The following SIPA1L3 variants were observed in gnomAD, a reference collection of about 807,000 sequenced individuals.
SIPA1L3 encodes the protein signal-induced proliferation-associated 1-like protein 3.
SIPA1L3 carries 59 observed loss-of-function variants against 150.1 expected under a neutral mutation model. The ratio of observed to expected loss-of-function variants is 0.39; its 90% CI spans 0.32 to 0.49. The LOEUF (loss-of-function observed/expected upper bound fraction) is 0.49, where lower values mean the gene tolerates loss of function less well. Ranked by LOEUF, SIPA1L3 falls within the 20% of genes least tolerant of loss-of-function variation. The probability of loss-of-function intolerance (pLI) is 0.86; values close to 1 mark genes in which losing one functional copy is unlikely to be tolerated. For synonymous variants in SIPA1L3, 1,070 were observed against 1,077.6 expected, an observed-to-expected ratio of 0.99 and a Z score of 0.14; for missense variants, 2,211 against 2,489.5, an observed-to-expected ratio of 0.89 and a Z score of 2.38.
rs1452266016 is a variant in SIPA1L3, at chr19:38,082,967, C to A, written c.1402C>A (p.Arg468Ser). The change falls in exon 3 of 22, where the codon CGC (arginine) becomes AGC (serine). Residue 468 changes from arginine to serine, a missense_variant. This residue lies in a region of SIPA1L3 where 587 missense variants were observed against 534.5 expected (regional missense o/e 1.10). Coordinates refer to ENST00000222345, the MANE Select transcript of SIPA1L3 (RefSeq NM_015073.3). ...HLAEPALSAY[R>S]TNASISVLEV... ...GGCAGAGCCCGCCCTGAGCGCCTAC[C>A]GCACCAACGCCAGCATCTCGGTGTT... 1 of 1,612,962 alleles carries A rather than the reference C, an allele frequency of 6.2e-7. No homozygotes were observed. Among genetic ancestry groups the A allele is most frequent in the African/African-American group, 1.3e-5 (1 of 74,942 alleles).
intron 18 of SIPA1L3, among the ~76,000 whole-genome samples, chr19:38,194,762 C>T (rs1431303227): frequency 2.6e-5 from 4 of 152,058 alleles, no homozygotes; most frequent in African/African-American, 9.7e-5. Context: ...ATTAAAACTC[C>T]CCTGCAGGCC....
chr19:38,115,310 T>G (rs1177635470), intron 8 of SIPA1L3, among the ~76,000 whole-genome samples: 2 of 152,056 alleles, frequency 1.3e-5, no homozygotes, highest in Non-Finnish European at 2.9e-5. Flanking sequence ...CTCCAGCCTC[T>G]CTCCTCCCAC....
At chr19:38,197,045 T>A (rs1972971553) in intron 18 of SIPA1L3, among the ~76,000 whole-genome samples, 1 of 152,168 alleles carries the variant, frequency 6.6e-6, no homozygotes, top group Non-Finnish European at 1.5e-5. Flanking sequence ...TAGTACTAGC[T>A]GGAAGCCATG....
chr19:38,196,635 G>A (rs574009524), intron 18 of SIPA1L3, among the ~76,000 whole-genome samples: 1 of 146,180 alleles, frequency 6.8e-6, no homozygotes, highest in Admixed American at 6.9e-5. Flanking sequence ...GGTCAAGGGT[G>A]GAGCATGGAG....
intron 6 of SIPA1L3, among the ~76,000 whole-genome samples, chr19:38,103,889 G>A (rs1315792917): frequency 5.8e-5 from 7 of 120,810 alleles, no homozygotes; most frequent in South Asian, 2.6e-4. Context: ...GCGATACAGC[G>A]AGACTCCATA....
chr19:38,176,018 C>T (rs890996201), intron 15 of SIPA1L3, among the ~76,000 whole-genome samples: 6 of 152,106 alleles, frequency 3.9e-5, no homozygotes, highest in African/African-American at 1.2e-4. Context: ...CCAGCCTGAC[C>T]AACATGATGA....
chr19:38,034,953 C>T (rs918676210), intron 2 of SIPA1L3, among the ~76,000 whole-genome samples: 9 of 152,298 alleles, frequency 5.9e-5, no homozygotes, highest in African/African-American at 2.2e-4. Context: ...ACTGGACCAG[C>T]CTCATGGCTG....
chr19:38,082,343 G>A lies in SIPA1L3; in HGVS notation c.778G>A (p.Asp260Asn), dbSNP rs761434202. ...GGGGGGCGGCGGCGGAGCCAAGGGG[G>A]ACTCCCACAACGGGCAGCCCGCCAA... ...LMGGGGGAKG[D>N]SHNGQPAKDS... The change falls in exon 3 of 22, where the codon GAC (aspartate) becomes AAC (asparagine). Residue 260 changes from aspartate to asparagine, a missense_variant. Asp to Asn is a conservative substitution (Grantham distance 23). Around this residue, in one of 5 missense-constraint regions of SIPA1L3, gnomAD observed 587 missense variants for 534.5 expected, o/e 1.10. Transcript: ENST00000222345. The A allele has an allele frequency of 5.0e-6, 8 of 1,598,718 alleles. No individual in the cohort carries two copies. The highest frequency in any genetic ancestry group is 1.7e-5 in the Admixed American group (1 of 59,828).
intron 8 of SIPA1L3, among the ~76,000 whole-genome samples, chr19:38,116,136 A>G (rs1970875558): frequency 6.6e-6 from 1 of 152,182 alleles, no homozygotes; most frequent in Admixed American, 6.6e-5. Flanking sequence ...GTACTGACAA[A>G]TAGGTTTTAA....
chr19:38,018,219 A>G (rs1293411980), intron 1 of SIPA1L3, among the ~76,000 whole-genome samples: 1 of 124,746 alleles, frequency 8.0e-6, no homozygotes, highest in Non-Finnish European at 1.6e-5. Context: ...GCTGGAGTGC[A>G]GTGGTATGAT....
chr19:38,124,241 C>G (rs948543846), intron 9 of SIPA1L3, among the ~76,000 whole-genome samples: 4 of 150,134 alleles, frequency 2.7e-5, no homozygotes, highest in Admixed American at 2.7e-4. Flanking sequence ...CCTCACTTCT[C>G]AGATGGGGCG....
intron 2 of SIPA1L3, among the ~76,000 whole-genome samples, chr19:38,060,010 G>A (rs1324658670): frequency 6.6e-6 from 1 of 152,166 alleles, no homozygotes; most frequent in Non-Finnish European, 1.5e-5. Context: ...TCTGAGCTCA[G>A]GTAACCCGCC....
chr19:38,143,956 G>A (rs1054736437), intron 12 of SIPA1L3, among the ~76,000 whole-genome samples: 14 of 152,062 alleles, frequency 9.2e-5, no homozygotes, highest in African/African-American at 2.2e-4. Context: ...TGCGAGTCTC[G>A]TGCAGTGCCA....
chr19:38,068,467 T>C (rs1299307379), intron 2 of SIPA1L3, among the ~76,000 whole-genome samples: 3 of 152,178 alleles, frequency 2.0e-5, no homozygotes, highest in Non-Finnish European at 4.4e-5. Flanking sequence ...TTTCATCTTA[T>C]TTGGAGCACA....
chr19:37,979,912 C>T (rs1041698600), intron 1 of SIPA1L3, among the ~76,000 whole-genome samples: 14 of 152,214 alleles, frequency 9.2e-5, no homozygotes, highest in African/African-American at 1.9e-4. Context: ...GGTGCCTCCG[C>T]GTGCACACTC....
At chr19:37,934,539 G>C (rs2145506932) in intron 1 of SIPA1L3, among the ~76,000 whole-genome samples, 1 of 152,320 alleles carries the variant, frequency 6.6e-6, no homozygotes, top group East Asian at 1.9e-4. Context: ...GTCAAAGTGA[G>C]ATCAGGTGAC....
chr19:37,934,768 A>G (rs1241831970), intron 1 of SIPA1L3, among the ~76,000 whole-genome samples: 1 of 149,816 alleles, frequency 6.7e-6, no homozygotes, highest in Admixed American at 6.8e-5. Flanking sequence ...CTCCATGGTT[A>G]TATAATCCTA....
chr19:37,998,714 G>A (rs140760260), intron 1 of SIPA1L3, among the ~76,000 whole-genome samples: 2 of 152,134 alleles, frequency 1.3e-5, no homozygotes, highest in Non-Finnish European at 2.9e-5. Context: ...CTTGAGCCTG[G>A]GAGGTTGAGG....
chr19:37,994,835 C>T (rs1419025932), intron 1 of SIPA1L3, among the ~76,000 whole-genome samples: 1 of 152,206 alleles, frequency 6.6e-6, no homozygotes, highest in Non-Finnish European at 1.5e-5. Flanking sequence ...CGTCTGGTGA[C>T]TCCTGGCTGA....
Sources: gnomAD v4.1 joint callset for allele counts (sites outside exome capture counted in the v4.1 genomes callset) on GRCh38, gnomAD v4.1.1 for gene constraint, gnomAD v4.1.1 regional missense constraint, MANE v1.5 for transcripts, NCBI Gene and HGNC (gene_info 2026-07-23, HGNC 2026-07-21) for gene names.